DGKH: variants seen among roughly 807,000 people sequenced by gnomAD.
The protein encoded by DGKH is diacylglycerol kinase eta.
A neutral mutation model predicts 159.3 loss-of-function variants in DGKH; 90 were observed. The observed-to-expected ratio is 0.57, with a 90% CI of 0.48 to 0.67. The LOEUF is 0.67. DGKH is among the 30% of genes least tolerant of loss of function. The pLI is 0.00. For missense variants in DGKH, 1,181 were observed against 1,506.1 expected (o/e 0.78, Z 3.57); for synonymous variants, 536 against 553.8 (o/e 0.97, Z 0.45).
intron 1 of DGKH, among the ~76,000 whole-genome samples, chr13:42,062,931 G>C (rs1882290323): frequency 6.6e-6 from 1 of 152,040 alleles, no homozygotes; most frequent in Non-Finnish European, 1.5e-5. Context: ...CAAGGGGATG[G>C]AGTGATATGT....
chr13:42,222,462 T>G (rs1017491028), intron 29 of DGKH, among the ~76,000 whole-genome samples: 1 of 152,130 alleles, frequency 6.6e-6, no homozygotes. Context: ...TAAACAACTT[T>G]AGCCATAATA....
Position 42,087,058 on chromosome 13 carries a change from C to CACACACAG in DGKH, c.192+38100_192+38101insGACACACA, listed in dbSNP as rs1472403459. Among the ~76,000 whole-genome samples, 34 of 148,246 alleles carry CACACACAG rather than the reference C, an allele frequency of 2.3e-4. 1 individual carries two copies. The highest frequency in any genetic ancestry group is 1.9e-3 in the South Asian group (9 of 4,622). On this transcript the variant is annotated intron_variant, in intron 1 of 29. Coordinates refer to ENST00000337343, the MANE Select transcript of DGKH (RefSeq NM_178009.5). ...GCCAGAAGGAAAACACACACACACA[C>CACACACAG]ACACACACACACACACACACACACA...
chr13:42,123,445 G>A (rs917849686), intron 1 of DGKH, among the ~76,000 whole-genome samples: 4 of 152,090 alleles, frequency 2.6e-5, no homozygotes, highest in Non-Finnish European at 5.9e-5. Flanking sequence ...AGACAAAGCT[G>A]TTTTAGATTT....
chr13:42,187,725 A>C (rs974542122), intron 14 of DGKH, among the ~76,000 whole-genome samples: 1 of 152,158 alleles, frequency 6.6e-6, no homozygotes, highest in Non-Finnish European at 1.5e-5. Context: ...AGGGGATCCC[A>C]TGCAGCTGGG....
chr13:42,048,362 G>A (rs184960080), upstream of DGKH, among the ~76,000 whole-genome samples: 38 of 152,142 alleles, frequency 2.5e-4, no homozygotes, highest in African/African-American at 8.7e-4. This position sits in a 1 kb window ranked among gnomAD's most constrained non-coding sequence, Gnocchi z 6.7. Context: ...GCCACTACGG[G>A]GTGGGCTGCA....
intron 29 of DGKH, among the ~76,000 whole-genome samples, chr13:42,248,881 G>A (rs1004343286): frequency 3.3e-5 from 5 of 151,932 alleles, no homozygotes; most frequent in Admixed American, 2.0e-4. Context: ...AGTACAATGT[G>A]ATGTTCACAC....
At position 42,070,798 on chromosome 13, in the gene DGKH, G is replaced by C. The variant is rs567135544; in HGVS notation, c.192+21833G>C. The stretch of plus-strand genomic sequence containing the variant: ...AACAATGTAAACACTGTTTAGTTCC[G>C]TAAGAGAGCCCACATCATCTGTTAA... On this transcript the variant is annotated intron_variant, in intron 1 of 29. Coordinates refer to ENST00000337343, the MANE Select transcript of DGKH (RefSeq NM_178009.5). The C allele has an allele frequency of 8.2e-5, 122 of 1,486,334 alleles. 2 individuals carry two copies. The South Asian group carries it at 1.4e-3, about 17-fold the overall frequency. The allele number at this position is 1,486,334 out of a possible 1,614,324, so 92.1% of individuals were successfully genotyped here.
intron 26 of DGKH, among the ~76,000 whole-genome samples, chr13:42,215,910 C>T (rs770450248): frequency 2.6e-5 from 4 of 152,178 alleles, no homozygotes; most frequent in Non-Finnish European, 2.9e-5. Context: ...TTTTAGGCAG[C>T]CCTGCTCTGC....
chr13:42,195,960 G>A (rs1045195541), intron 17 of DGKH: 5 of 152,102 alleles, frequency 3.3e-5, no homozygotes, highest in Admixed American at 1.3e-4. Context: ...CAATAAAAAG[G>A]TAAGTATCTC....
chr13:42,059,005 C>T (rs1593962742), intron 1 of DGKH, among the ~76,000 whole-genome samples: 1 of 152,198 alleles, frequency 6.6e-6, no homozygotes, highest in South Asian at 2.1e-4. Context: ...ATACCCTGAG[C>T]AATACACATC....
intron 1 of DGKH, among the ~76,000 whole-genome samples, chr13:42,092,224 G>A (rs903178853): frequency 2.0e-5 from 3 of 152,146 alleles, no homozygotes; most frequent in African/African-American, 7.2e-5. Flanking sequence ...GTATGATCCA[G>A]CAATCCCACT....
intron 3 of DGKH, among the ~76,000 whole-genome samples, chr13:42,141,794 TA>T (rs1260271124): frequency 6.6e-6 from 1 of 152,064 alleles, no homozygotes; most frequent in African/African-American, 2.4e-5. Flanking sequence ...AGATTCTGGA[TA>T]CCCTTTGTCA....
chr13:42,162,267 T>C lies in DGKH; in HGVS notation c.855+2131T>C, dbSNP rs139208754. On this transcript the variant is annotated intron_variant, in intron 7 of 29. Transcript: ENST00000337343. ...GGCTCATGCCTGTAATCCCAGCACC[T>C]TGGGAGGCCAAGGCATGTGAATCAC... is the stretch of plus-strand genomic sequence containing the variant. Among the ~76,000 whole-genome samples the C allele has an allele frequency of 1.5e-3, 224 of 152,308 alleles. 1 individual carries two copies. Among genetic ancestry groups the C allele is most frequent in the African/African-American group, 5.1e-3 (212 of 41,570 alleles).
chr13:42,046,268 T>A (rs1880788503), upstream of DGKH, among the ~76,000 whole-genome samples: 1 of 152,258 alleles, frequency 6.6e-6, no homozygotes, highest in African/African-American at 2.4e-5. Flanking sequence ...TTTCAGTTGC[T>A]ATTTTGAGCT....
In DGKH at chr13:42,231,739, G is replaced by GGTGAGCTTTTCACTC. The variant is rs1958300707; in HGVS notation, c.*2554_*2568dup. On this transcript the variant is annotated 3_prime_UTR_variant, in exon 30 of 30. Coordinates refer to ENST00000337343, the MANE Select transcript of DGKH (RefSeq NM_178009.5). ...GGACTGAATTTTTGTTTGTTCGTTT[G>GGTGAGCTTTTCACTC]GTGAGCTTTTCACTCGTAGGTGACA... The GGTGAGCTTTTCACTC allele has an allele frequency of 6.6e-6, 1 of 152,102 alleles. No homozygotes were observed. The highest frequency in any genetic ancestry group is 1.5e-5 in the Non-Finnish European group (1 of 68,012). 9.4% of individuals were successfully genotyped at this position (152,102 alleles called of 1,614,324 possible). A position where few individuals can be genotyped will look rare whatever the true frequency, so the allele number is the denominator to read the frequency against.
intron 1 of DGKH, chr13:42,040,198 C>CA (rs1215595723): frequency 6.6e-6 from 1 of 152,344 alleles, no homozygotes; most frequent in African/African-American, 2.4e-5. Context: ...CGCGGGCCGC[C>CA]AGCGTTTGGA....
At chr13:42,088,602 C>G (rs899888604) in intron 1 of DGKH, among the ~76,000 whole-genome samples, 1 of 151,516 alleles carries the variant, frequency 6.6e-6, no homozygotes, top group Admixed American at 6.6e-5. Context: ...TTAGAGAAAC[C>G]ACTTTAAAAA....
At chr13:42,168,987 G>GTTCT (rs1210885488) in intron 11 of DGKH, among the ~76,000 whole-genome samples, 169 bp downstream of exon 11, 5 of 152,110 alleles carry the variant, frequency 3.3e-5, no homozygotes, top group Admixed American at 2.6e-4. Context: ...GGAGAACAGG[G>GTTCT]CCTATCACAG....
At chr13:42,173,999 C>T (rs1956537009) in intron 11 of DGKH, 61 bp from the exon 12 acceptor site, 2 of 1,258,756 alleles carry the variant, frequency 1.6e-6, no homozygotes, top group African/African-American at 1.5e-5. Flanking sequence ...TTATGAGATG[C>T]TAACAGTTAG....
Sources: gnomAD v4.1 joint callset for allele counts (sites outside exome capture counted in the v4.1 genomes callset) on GRCh38, gnomAD v4.1.1 for gene constraint, Gnocchi (gnomAD v3.1) non-coding constraint, MANE v1.5 for transcripts, NCBI Gene and HGNC (gene_info 2026-07-23, HGNC 2026-07-21) for gene names.